The following GRIP1 variants were observed in gnomAD, a reference collection of about 807,000 sequenced individuals.
GRIP1 encodes glutamate receptor interacting protein 1.
In GRIP1, 45 loss-of-function variants were observed where a neutral mutation model predicts 129.9. The observed-to-expected ratio is 0.35, with a 90% CI of 0.27 to 0.44. The LOEUF (loss-of-function observed/expected upper bound fraction) is 0.44. GRIP1 is among the 20% of genes least tolerant of loss of function. The pLI, the probability that GRIP1 is intolerant of heterozygous loss-of-function variation, is 1.00. For synonymous variants in GRIP1, 530 were observed against 520.8 expected (o/e 1.02, Z -0.24); for missense variants, 1,196 against 1,396.8 (o/e 0.86, Z 2.29).
chr12:66,542,185 A>G (rs2061804235), intron 2 of GRIP1, among the ~76,000 whole-genome samples: 1 of 151,824 alleles, frequency 6.6e-6, no homozygotes, highest in Admixed American at 6.6e-5. Flanking sequence ...CAGGTTGACA[A>G]TAGTCCAAAT....
chr12:66,851,065 G>A (rs756241736), intron 1 of GRIP1, among the ~76,000 whole-genome samples: 1 of 151,022 alleles, frequency 6.6e-6, no homozygotes, highest in African/African-American at 2.4e-5. Flanking sequence ...AATAGTAGGC[G>A]CTGAATAAAT....
At chr12:66,963,750 C>A (rs77788603) in intron 1 of GRIP1, among the ~76,000 whole-genome samples, 5 of 152,066 alleles carry the variant, frequency 3.3e-5, no homozygotes, top group Admixed American at 1.3e-4. Flanking sequence ...TTTAGGTTCA[C>A]GTCTAAGTTG....
At chr12:66,788,569 G>T (rs563251486) in intron 1 of GRIP1, among the ~76,000 whole-genome samples, 2 of 151,578 alleles carry the variant, frequency 1.3e-5, no homozygotes, top group East Asian at 3.9e-4. Context: ...AAAAAACTGT[G>T]TTTTTTTTGT....
At chr12:66,481,685 C>A (rs12426780) in intron 7 of GRIP1, among the ~76,000 whole-genome samples, 40,241 of 152,060 alleles carry the variant, frequency 0.26, 5,534 homozygotes, top group Middle Eastern at 0.43. Context: ...ATAGCAAAGA[C>A]TTGGAACCAA....
intron 1 of GRIP1, among the ~76,000 whole-genome samples, chr12:66,996,619 AG>A (rs2042471027): frequency 6.6e-6 from 1 of 152,152 alleles, no homozygotes; most frequent in Non-Finnish European, 1.5e-5. Context: ...CCCAAACCAC[AG>A]GGGTAAAAAT....
chr12:66,725,199 G>T (rs2036213295), intron 1 of GRIP1, among the ~76,000 whole-genome samples: 1 of 152,004 alleles, frequency 6.6e-6, no homozygotes, highest in African/African-American at 2.4e-5. Flanking sequence ...CTACTAAGGG[G>T]GCTGAGGTAA....
At chr12:66,799,888 C>A (rs2038808621) in intron 1 of GRIP1, among the ~76,000 whole-genome samples, 1 of 152,110 alleles carries the variant, frequency 6.6e-6, no homozygotes, top group African/African-American at 2.4e-5. Context: ...ATACCACTGT[C>A]AATATTGTTT....
chr12:66,789,592 G>A (rs1001222867), intron 1 of GRIP1, among the ~76,000 whole-genome samples: 5 of 134,818 alleles, frequency 3.7e-5, no homozygotes, highest in African/African-American at 1.4e-4. Flanking sequence ...ATAGATAATG[G>A]TCCATAATTA....
chr12:66,581,432 CA>C lies in GRIP1; in HGVS notation c.136+15414del, dbSNP rs1341428881. On this transcript the variant is annotated intron_variant, in intron 2 of 24. Transcript: ENST00000359742. Reference sequence around the variant, plus strand: ...AGCAGAATTGAAGGAAATAGAGACACAAAAAACCCTTCAAAAAATTAATGAA... The same window carrying C: ...AGCAGAATTGAAGGAAATAGAGACACAAAAACCCTTCAAAAAATTAATGAA... 3.2e-4 allele frequency among the ~76,000 whole-genome samples: 48 copies of C among 149,434 alleles called. No homozygotes were observed. In the East Asian group the frequency reaches 9.4e-3, roughly 29 times the overall value.
chr12:66,724,441 C>T (rs189116886), intron 1 of GRIP1, among the ~76,000 whole-genome samples: 33 of 152,278 alleles, frequency 2.2e-4, no homozygotes, highest in African/African-American at 7.9e-4. Flanking sequence ...CACTGTATCA[C>T]GGTTCCTTAT....
intron 1 of GRIP1, among the ~76,000 whole-genome samples, chr12:66,837,914 C>G (rs1233936954): frequency 6.6e-6 from 1 of 152,178 alleles, no homozygotes; most frequent in African/African-American, 2.4e-5. Context: ...CAGCAGGAGG[C>G]TGGGCGCGGT....
intron 3 of GRIP1, 134 bp from the exon 4 acceptor site, chr12:66,539,357 C>A: frequency 1.7e-6 from 2 of 1,156,538 alleles, no homozygotes; most frequent in Non-Finnish European, 2.6e-6. Flanking sequence ...GAAGTCCCTG[C>A]CTCCTAGGAG....
intron 4 of GRIP1, among the ~76,000 whole-genome samples, chr12:66,530,731 A>AT (rs35020794): frequency 0.7 from 106,775 of 151,716 alleles, 38,698 homozygotes; most frequent in African/African-American, 0.89. Flanking sequence ...CCATTTCTGC[A>AT]TAAAAAAACC....
intron 1 of GRIP1, among the ~76,000 whole-genome samples, chr12:66,985,327 G>A (rs377208634): frequency 3.2e-4 from 49 of 152,140 alleles, no homozygotes; most frequent in African/African-American, 1.2e-3. Flanking sequence ...GATATATTGT[G>A]GCAGCTACCA....
chr12:66,719,934 C>A (rs918113861), intron 1 of GRIP1, among the ~76,000 whole-genome samples: 6 of 152,140 alleles, frequency 3.9e-5, no homozygotes, highest in Non-Finnish European at 7.4e-5. Context: ...CAATATCACA[C>A]AATGAGTTTG....
intron 14 of GRIP1, 53 bp downstream of exon 14, chr12:66,432,495 C>T (rs1565731798): frequency 2.8e-6 from 3 of 1,070,094 alleles, no homozygotes; most frequent in Non-Finnish European, 1.4e-6. Flanking sequence ...CATTTGACAA[C>T]ACAGTTTTCT....
At chr12:66,986,764 C>T (rs1298825030) in intron 1 of GRIP1, among the ~76,000 whole-genome samples, 1 of 148,606 alleles carries the variant, frequency 6.7e-6, no homozygotes, top group African/African-American at 2.5e-5. Context: ...ACCAGCATGG[C>T]ACATGTATAC....
chr12:67,056,847 G>C (rs1005014518), intron 1 of GRIP1, among the ~76,000 whole-genome samples: 2 of 152,140 alleles, frequency 1.3e-5, no homozygotes, highest in African/African-American at 4.8e-5. Flanking sequence ...GTCTCACACT[G>C]TCACCAAGGC....
intron 2 of GRIP1, among the ~76,000 whole-genome samples, chr12:66,566,130 T>C (rs1318550967): frequency 2.6e-5 from 4 of 152,204 alleles, no homozygotes; most frequent in Non-Finnish European, 4.4e-5. Flanking sequence ...TCCTGCCTAA[T>C]TGCCCTGGCC....
Sources: gnomAD v4.1 joint callset for allele counts (sites outside exome capture counted in the v4.1 genomes callset) on GRCh38, gnomAD v4.1.1 for gene constraint, MANE v1.5 for transcripts, NCBI Gene and HGNC (gene_info 2026-07-23, HGNC 2026-07-21) for gene names.